ZNF469: variants seen among roughly 807,000 people sequenced by gnomAD.
ZNF469 encodes zinc finger protein 469.
In ZNF469, 1 loss-of-function variant was observed where a neutral mutation model predicts 1.0. The ratio of observed to expected loss-of-function variants is 1.00; its 90% CI spans 0.35 to 4.73. The LOEUF is 4.73. ZNF469 is among the 30% of genes most tolerant of loss of function. ZNF469 has a pLI of 0.16. For synonymous variants in ZNF469, 2,703 were observed against 2,363.4 expected, an observed-to-expected ratio of 1.14 and a Z score of -4.17; for missense variants, 6,100 against 5,356.3, an observed-to-expected ratio of 1.14 and a Z score of -4.33.
chr16:88,359,266 C>T, the ZNF469 span, among the ~76,000 whole-genome samples: 16 of 151,526 alleles, frequency 1.1e-4, 1 homozygote, highest in South Asian at 4.2e-4. Flanking sequence ...CGGTACCCTG[C>T]CCGCATTTGC....
chr16:88,269,978 T>A, the ZNF469 span, among the ~76,000 whole-genome samples: 1 of 152,106 alleles, frequency 6.6e-6, no homozygotes. Flanking sequence ...GAAACCACCA[T>A]CCAGGATCTA....
At position 88,435,085 on chromosome 16, in the gene ZNF469, C is replaced by A. The variant is rs546113899; in HGVS notation, c.7615C>A (p.Pro2539Thr). The change falls in exon 3 of 3, where the codon CCA becomes ACA. Residue 2539 changes from proline to threonine, a missense_variant. By Grantham distance (38) the Pro-to-Thr change is conservative (BLOSUM62 -1). Coordinates refer to ENST00000565624, the MANE Select transcript of ZNF469 (RefSeq NM_001367624.2). ...KSHRVSGKERPNHSRGDPSHV... is the reference protein window; with the variant it reads ...KSHRVSGKERTNHSRGDPSHV... Reference sequence around the variant, plus strand: ...CCACAGGGTGTCTGGGAAGGAGAGACCAAATCACTCACGGGGAGACCCCAG... The same window carrying A: ...CCACAGGGTGTCTGGGAAGGAGAGAACAAATCACTCACGGGGAGACCCCAG... 6.4e-7 allele frequency: 1 copy of A among 1,550,390 alleles called. No homozygotes were observed. The highest frequency in any genetic ancestry group is 1.4e-5 in the African/African-American group (1 of 73,174).
chr16:88,288,305 G>A, the ZNF469 span, among the ~76,000 whole-genome samples: 258 of 152,258 alleles, frequency 1.7e-3, 1 homozygote, highest in African/African-American at 5.9e-3. Flanking sequence ...AGGGAGGCAC[G>A]CATGTTGAGA....
the ZNF469 span, among the ~76,000 whole-genome samples, chr16:88,197,429 C>T: frequency 1.3e-5 from 2 of 152,216 alleles, no homozygotes; most frequent in South Asian, 2.1e-4. Context: ...ATAGAAGGTA[C>T]ACAGTTAATG....
chr16:88,426,392 C>T (rs1024499761), intron 2 of ZNF469, among the ~76,000 whole-genome samples: 1 of 152,272 alleles, frequency 6.6e-6, no homozygotes, highest in African/African-American at 2.4e-5. Flanking sequence ...CCACACGGAG[C>T]GGCCTGCGCA....
the ZNF469 span, among the ~76,000 whole-genome samples, chr16:88,322,220 C>CTTT: frequency 6.6e-6 from 1 of 152,212 alleles, no homozygotes; most frequent in East Asian, 1.9e-4. Flanking sequence ...GCCGGGGGCG[C>CTTT]TTTTCACCCA....
At chr16:88,291,073 C>T in the ZNF469 span, among the ~76,000 whole-genome samples, 1 of 152,184 alleles carries the variant, frequency 6.6e-6, no homozygotes, top group Non-Finnish European at 1.5e-5. Context: ...CGTCCGGCAC[C>T]TCTGCTTCCC....
the ZNF469 span, among the ~76,000 whole-genome samples, chr16:88,168,267 C>G: frequency 6.6e-6 from 1 of 152,156 alleles, no homozygotes; most frequent in African/African-American, 2.4e-5. The surrounding 1 kb of genome is among the most constrained non-coding windows in gnomAD (Gnocchi z 4.3). Context: ...CTGAACTTGG[C>G]CGAACATTTT....
chr16:88,136,287 G>C, the ZNF469 span, among the ~76,000 whole-genome samples: 5 of 152,296 alleles, frequency 3.3e-5, no homozygotes, highest in Admixed American at 3.3e-4. Flanking sequence ...CATCCCATCT[G>C]GCCCGCCCTA....
At chr16:88,108,458 C>G in the ZNF469 span, among the ~76,000 whole-genome samples, 7 of 152,174 alleles carry the variant, frequency 4.6e-5, no homozygotes, top group African/African-American at 1.2e-4. Flanking sequence ...GGTTGCTGCC[C>G]AGAATTCAAT....
the ZNF469 span, among the ~76,000 whole-genome samples, chr16:88,375,940 T>A: frequency 6.6e-6 from 1 of 152,016 alleles, no homozygotes; most frequent in Non-Finnish European, 1.5e-5. Flanking sequence ...CGGACTGGAG[T>A]GGATAAGCCA....
At chr16:88,283,673 A>AG in the ZNF469 span, among the ~76,000 whole-genome samples, 1 of 152,206 alleles carries the variant, frequency 6.6e-6, no homozygotes, top group African/African-American at 2.4e-5. Flanking sequence ...CTGGGGTGTG[A>AG]GGAGTTGGAG....
chr16:88,101,921 C>T, the ZNF469 span, among the ~76,000 whole-genome samples: 1 of 152,124 alleles, frequency 6.6e-6, no homozygotes, highest in Non-Finnish European at 1.5e-5. Flanking sequence ...GCCGCGGGTG[C>T]GTCTTGGCTC....
At chr16:88,320,454 G>C in the ZNF469 span, among the ~76,000 whole-genome samples, 1 of 152,158 alleles carries the variant, frequency 6.6e-6, no homozygotes, top group African/African-American at 2.4e-5. Context: ...CATGATGTGA[G>C]CTCACTGCAA....
the ZNF469 span, among the ~76,000 whole-genome samples, chr16:88,128,126 C>T: frequency 1.3e-5 from 2 of 152,128 alleles, no homozygotes; most frequent in African/African-American, 2.4e-5. Context: ...CAGAGGATGG[C>T]AGCTGTTGGG....
At chr16:88,387,979 A>C (rs1005628172) in intron 1 of ZNF469, among the ~76,000 whole-genome samples, 2 of 152,244 alleles carry the variant, frequency 1.3e-5, no homozygotes, top group Admixed American at 1.3e-4. Context: ...CAGCCCTCCC[A>C]GCCACACCGC....
In ZNF469 at chr16:88,430,184, C is replaced by G. The variant is rs1401154628; in HGVS notation, c.2714C>G (p.Thr905Arg). Residue 905 changes from threonine (T) to arginine (R), a missense_variant, in exon 3 of 3, where the codon ACG (threonine) becomes AGG (arginine). Transcript: ENST00000565624. ...GCTCCGCCCCCGCTCCCAGCAGCCA[C>G]GCCGGACCCCCAAACCCCCCGCCCT... ...SKAPPPLPAA[T>R]PDPQTPRPGD... 1.9e-6 allele frequency: 3 copies of G among 1,547,880 alleles called. No individual in the cohort carries two copies. The highest frequency in any genetic ancestry group is 2.6e-6 in the Non-Finnish European group (3 of 1,145,416).
chr16:88,276,929 A>G, the ZNF469 span, among the ~76,000 whole-genome samples: 2 of 150,456 alleles, frequency 1.3e-5, no homozygotes, highest in Non-Finnish European at 3.0e-5. Context: ...ATGCTCAGTC[A>G]GTACCATGTA....
the ZNF469 span, among the ~76,000 whole-genome samples, chr16:88,239,362 T>G: frequency 6.6e-6 from 1 of 152,150 alleles, no homozygotes; most frequent in African/African-American, 2.4e-5. Context: ...GCATTGACTG[T>G]TGAAAGCCAC....
Sources: allele counts gnomAD v4.1 joint callset (sites outside exome capture counted in the v4.1 genomes callset), GRCh38; gene constraint gnomAD v4.1.1; non-coding constraint Gnocchi (gnomAD v3.1); transcripts MANE v1.5; gene names NCBI Gene and HGNC (gene_info 2026-07-23, HGNC 2026-07-21).